The following PPARA variants were observed in gnomAD, a reference collection of about 807,000 sequenced individuals.
PPARA encodes peroxisome proliferator-activated receptor alpha.
In PPARA, 22 loss-of-function variants were observed where a neutral mutation model predicts 42.2. That is an observed-to-expected ratio of 0.52 (90% CI 0.37 to 0.74). The LOEUF is 0.74. Ranked by LOEUF, PPARA falls within the 30% of genes least tolerant of loss-of-function variation. The probability of loss-of-function intolerance (pLI) is 0.00; values close to 1 mark genes in which losing one functional copy is unlikely to be tolerated. For missense variants in PPARA, 465 were observed against 608.2 expected (o/e 0.76, Z 2.48); for synonymous variants, 242 against 239.3 (o/e 1.01, Z -0.10).
intron 7 of PPARA, among the ~76,000 whole-genome samples, chr22:46,228,901 G>A (rs1227131090): frequency 2.6e-5 from 4 of 151,872 alleles, no homozygotes; most frequent in East Asian, 3.9e-4. Flanking sequence ...TCAGGAGATC[G>A]AGACCATCCT....
At chr22:46,169,233 C>T (rs565731284) in intron 2 of PPARA, among the ~76,000 whole-genome samples, 61 of 151,946 alleles carry the variant, frequency 4.0e-4, no homozygotes, top group African/African-American at 1.3e-3. Flanking sequence ...AACAAATGTA[C>T]CTCACCAATG....
Position 46,241,923 on chromosome 22 carries a change from AAAAAAAAAG to A in PPARA, c.*6545_*6553del, listed in dbSNP as rs1416022788. On this transcript the variant is annotated 3_prime_UTR_variant, in exon 9 of 9. Transcript: ENST00000407236. The surrounding 1 kb of genome is among the most constrained non-coding windows in gnomAD (Gnocchi z 5.7). ...TTAGATGGATTATTTGAAAAAAAAA[AAAAAAAAAG>A]AGAGAAAAAATAATTGATTTTTACA... 6.6e-6 allele frequency: 1 copy of A among 151,922 alleles called. No homozygotes were observed. Among genetic ancestry groups the A allele is most frequent in the Non-Finnish European group, 1.5e-5 (1 of 67,980 alleles). The allele number at this position is 151,922 out of a possible 1,614,324, so 9.4% of individuals were successfully genotyped here.
At chr22:46,170,925 G>A (rs1927927455) in intron 2 of PPARA, among the ~76,000 whole-genome samples, 1 of 151,802 alleles carries the variant, frequency 6.6e-6, no homozygotes, top group Non-Finnish European at 1.5e-5. Flanking sequence ...ACTTTGGGAG[G>A]CCGAGACAGC....
rs1800235 is a variant in PPARA, at chr22:46,220,008, C to T, written c.705C>T (p.Asn235=). ...TCATCCTCTCAGGAAAGGCCAGTAA[C>T]AATCCAGTAGGTGTTTGCGGCTGTT... ...ARVILSGKAS[N]NPPFVIHDME... is the part of the protein sequence containing the mutation. Residue 235 remains asparagine (N), a synonymous_variant, in exon 7 of 9, where the codon AAC becomes AAT. Transcript: ENST00000407236. The T allele has an allele frequency of 1.9e-3, 3,116 of 1,614,030 alleles. 47 individuals are homozygous for T. The African/African-American group carries it at 0.035, about 18-fold the overall frequency.
rs1351994259 is a variant in PPARA, at chr22:46,191,676, GC to G, written c.-42-6665del. Reference sequence around the variant, plus strand: ...GCCCTCTGGGTGACAGCAGGCTGTGGCTGCGGCGACAGAGCTGAGGTGAATT... The same window carrying G: ...GCCCTCTGGGTGACAGCAGGCTGTGGTGCGGCGACAGAGCTGAGGTGAATT... On this transcript the variant is annotated intron_variant, in intron 3 of 8. Coordinates refer to ENST00000407236, the MANE Select transcript of PPARA (RefSeq NM_005036.6). This position sits in a 1 kb window ranked among gnomAD's most constrained non-coding sequence, Gnocchi z 4.6. 9.2e-5 allele frequency among the ~76,000 whole-genome samples: 14 copies of G among 152,310 alleles called. No homozygotes were observed. Among genetic ancestry groups the G allele is most frequent in the Non-Finnish European group, 1.3e-4 (9 of 68,028 alleles).
chr22:46,151,542 A>G (rs936057385), intron 1 of PPARA, among the ~76,000 whole-genome samples: 4 of 152,254 alleles, frequency 2.6e-5, no homozygotes, highest in South Asian at 4.1e-4. Context: ...TTTAAAAGTT[A>G]AAAGAGAGGA....
At position 46,219,161 on chromosome 22, in the gene PPARA, CA is replaced by C. The variant is rs201639993; in HGVS notation, c.509-642del. On this transcript the variant is annotated intron_variant, in intron 6 of 8. Transcript: ENST00000407236. This position sits in a 1 kb window ranked among gnomAD's most constrained non-coding sequence, Gnocchi z 4.8. ...TGGGCGACAGAGTGCGACTCCGTCT[CA>C]AAAAAAAAGAAAAAAAAAGAAAAAG... 1.4e-5 allele frequency among the ~76,000 whole-genome samples: 2 copies of C among 143,862 alleles called. No homozygotes were observed. Among genetic ancestry groups the C allele is most frequent in the Non-Finnish European group, 3.0e-5 (2 of 65,710 alleles). The allele number at this position is 143,862 out of a possible 152,430, so 94.4% of individuals were successfully genotyped here. A position where few individuals can be genotyped will look rare whatever the true frequency, so the allele number is the denominator to read the frequency against.
intron 4 of PPARA, among the ~76,000 whole-genome samples, chr22:46,214,349 G>A (rs1005900934): frequency 4.0e-5 from 6 of 151,424 alleles, no homozygotes; most frequent in African/African-American, 1.5e-4. Flanking sequence ...ACCCAGAGGT[G>A]CAGATCGGAA....
chr22:46,204,070 G>A lies in PPARA; in HGVS notation c.208+5479G>A, dbSNP rs1157317072. The stretch of plus-strand genomic sequence containing the variant: ...AATCCACTTTCTATCATTCTAGGTT[G>A]CTTTATATTTCCTAGAATTTTATAT... On this transcript the variant is annotated intron_variant, in intron 4 of 8. Coordinates refer to ENST00000407236, the MANE Select transcript of PPARA (RefSeq NM_005036.6). This position sits in a 1 kb window ranked among gnomAD's most constrained non-coding sequence, Gnocchi z 5.2. Among the ~76,000 whole-genome samples, 3 of 152,128 alleles carry A rather than the reference G, an allele frequency of 2.0e-5. No individual in the cohort carries two copies. The highest frequency in any genetic ancestry group is 4.1e-4 in the South Asian group (2 of 4,832).
chr22:46,170,974 A>G (rs1396742510), intron 2 of PPARA, among the ~76,000 whole-genome samples: 1 of 151,888 alleles, frequency 6.6e-6, no homozygotes, highest in Non-Finnish European at 1.5e-5. Flanking sequence ...CAGCCTGGTC[A>G]ACATGGCAAA....
At chr22:46,152,939 G>C (rs1924670702) in intron 2 of PPARA, among the ~76,000 whole-genome samples, 1 of 152,208 alleles carries the variant, frequency 6.6e-6, no homozygotes, top group African/African-American at 2.4e-5. Context: ...TAGAAATATT[G>C]CCTGGGCATG....
chr22:46,166,070 C>T (rs1926993478), intron 2 of PPARA, among the ~76,000 whole-genome samples: 1 of 152,112 alleles, frequency 6.6e-6, no homozygotes, highest in Non-Finnish European at 1.5e-5. Flanking sequence ...CAGATCAGAT[C>T]CCAGCTCCCA....
At position 46,169,358 on chromosome 22, in the gene PPARA, C is replaced by T. The variant is rs368887059; in HGVS notation, c.-126-7395C>T. Among the ~76,000 whole-genome samples the T allele has an allele frequency of 1.2e-4, 19 of 152,058 alleles. No individual in the cohort carries two copies. In the East Asian group the frequency reaches 2.1e-3, roughly 17 times the overall value. ...CACGCCAATCTCCTGCTTCAGCCTCCGGAGTAGCTGGGACTACAGGCGCCC... is the reference window on the plus strand; with the variant it reads ...CACGCCAATCTCCTGCTTCAGCCTCTGGAGTAGCTGGGACTACAGGCGCCC... On this transcript the variant is annotated intron_variant, in intron 2 of 8. Transcript: ENST00000407236.
In PPARA at chr22:46,224,082, G is replaced by A. The variant is rs1398584641; in HGVS notation, c.711+4068G>A. Among the ~76,000 whole-genome samples the A allele has an allele frequency of 1.3e-5, 2 of 152,152 alleles. No homozygotes were observed. Among genetic ancestry groups the A allele is most frequent in the Non-Finnish European group, 2.9e-5 (2 of 68,032 alleles). ...GCCCTCTTCCACCCACACCCACAAAGCCAGAGCACCGCAGGTACCAGTTTT... is the reference window on the plus strand; with the variant it reads ...GCCCTCTTCCACCCACACCCACAAAACCAGAGCACCGCAGGTACCAGTTTT... On this transcript the variant is annotated intron_variant, in intron 7 of 8. Transcript: ENST00000407236. The surrounding 1 kb of genome is among the most constrained non-coding windows in gnomAD (Gnocchi z 5.7).
In PPARA at chr22:46,190,989, A is replaced by G. The variant is rs192949358; in HGVS notation, c.-42-7353A>G. Among the ~76,000 whole-genome samples the G allele has an allele frequency of 4.6e-5, 7 of 152,136 alleles. No individual in the cohort carries two copies. The highest frequency in any genetic ancestry group is 1.3e-4 in the Admixed American group (2 of 15,260). On this transcript the variant is annotated intron_variant, in intron 3 of 8. Transcript: ENST00000407236. The surrounding 1 kb of genome is among the most constrained non-coding windows in gnomAD (Gnocchi z 5.6). The stretch of plus-strand genomic sequence containing the variant: ...GCGGATTACCTGAGGTCAGGTGTTC[A>G]AAACCAGCCTGGCCAAACATGGTGA...
rs540201684 is a variant in PPARA at position 46,203,769 on chromosome 22, G to C, written c.208+5178G>C. Among the ~76,000 whole-genome samples, 4 of 152,314 alleles carry C rather than the reference G, an allele frequency of 2.6e-5. No individual in the cohort carries two copies. The highest frequency in any genetic ancestry group is 9.6e-5 in the African/African-American group (4 of 41,578). On this transcript the variant is annotated intron_variant, in intron 4 of 8. Transcript: ENST00000407236. This position sits in a 1 kb window ranked among gnomAD's most constrained non-coding sequence, Gnocchi z 5.8. ...CTGCGCAAGGTGAGAACTTCCCGTG[G>C]CTCCACCCCATTCTCCCAATGCCCA...
Position 46,187,469 on chromosome 22 carries a change from C to T in PPARA, c.-43+10633C>T, listed in dbSNP as rs1930977579. On this transcript the variant is annotated intron_variant, in intron 3 of 8. Coordinates refer to ENST00000407236, the MANE Select transcript of PPARA (RefSeq NM_005036.6). The surrounding 1 kb of genome is among the most constrained non-coding windows in gnomAD (Gnocchi z 4.9). ...AGGATCAGCTCTTTATCTCGCAGTC[C>T]TCCTGCCTCTTGTGTCATTACCCAG... Among the ~76,000 whole-genome samples, 1 of 152,228 alleles carries T rather than the reference C, an allele frequency of 6.6e-6. No homozygotes were observed. Among genetic ancestry groups the T allele is most frequent in the African/African-American group, 2.4e-5 (1 of 41,448 alleles).
At chr22:46,209,697 G>T (rs984022738) in intron 4 of PPARA, among the ~76,000 whole-genome samples, 4 of 152,126 alleles carry the variant, frequency 2.6e-5, no homozygotes, top group African/African-American at 9.7e-5. Flanking sequence ...AACATGTCCA[G>T]TCTTTCACTC....
intron 7 of PPARA, among the ~76,000 whole-genome samples, chr22:46,228,964 G>A (rs1328879332): frequency 1.3e-5 from 2 of 151,878 alleles, no homozygotes; most frequent in Non-Finnish European, 2.9e-5. Context: ...AAAATGAGCT[G>A]GGCATGGTGG....
Sources: gnomAD v4.1 joint callset for allele counts (sites outside exome capture counted in the v4.1 genomes callset) on GRCh38, gnomAD v4.1.1 for gene constraint, Gnocchi (gnomAD v3.1) non-coding constraint, MANE v1.5 for transcripts, NCBI Gene and HGNC (gene_info 2026-07-23, HGNC 2026-07-21) for gene names.